WDR19: variants seen among roughly 807,000 people sequenced by gnomAD.
WDR19 encodes WD repeat-containing protein 19.
Under a neutral mutation model 180.0 loss-of-function variants are expected in WDR19, and 121 were observed. The observed-to-expected ratio is 0.67, with a 90% CI of 0.58 to 0.78. The LOEUF (loss-of-function observed/expected upper bound fraction) is 0.78. Ranked by LOEUF, WDR19 falls within the 30% of genes least tolerant of loss-of-function variation. The probability of loss-of-function intolerance (pLI) is 0.00; values close to 1 mark genes in which losing one functional copy is unlikely to be tolerated. For synonymous variants in WDR19, 497 were observed against 540.7 expected, an observed-to-expected ratio of 0.92 and a Z score of 1.12; for missense variants, 1,450 against 1,640.7, an observed-to-expected ratio of 0.88 and a Z score of 2.01.
intron 36 of WDR19, among the ~76,000 whole-genome samples, chr4:39,280,200 A>C (rs1736363498): frequency 7.9e-6 from 1 of 126,570 alleles, no homozygotes; most frequent in Admixed American, 9.4e-5. Context: ...AGGCTCAAAC[A>C]ATCCTCCTAC....
Position 39,205,667 on chromosome 4 carries a change from A to G in WDR19, c.821A>G (p.His274Arg), listed in dbSNP as rs1417179940. Residue 274 changes from histidine (H) to arginine (R), a missense_variant, in exon 9 of 37, where the codon CAT (histidine) becomes CGT (arginine). Coordinates refer to ENST00000399820, the MANE Select transcript of WDR19 (RefSeq NM_025132.4). ...CAAGAGATATTTCAGGCTCGTAACC[A>G]TAAAGATAATCTAACCAGCATTGCA... Reference protein sequence around the residue: ...LGQEIFQARNHKDNLTSIAVS... With the variant: ...LGQEIFQARNRKDNLTSIAVS... 6 of 1,612,002 alleles carry G rather than the reference A, an allele frequency of 3.7e-6. No homozygotes were observed. The highest frequency in any genetic ancestry group is 3.4e-6 in the Non-Finnish European group (4 of 1,178,986).
Position 39,212,393 on chromosome 4 carries a change from A to G in WDR19, c.891-2208A>G, listed in dbSNP as rs1728638469. 2.6e-5 allele frequency among the ~76,000 whole-genome samples: 4 copies of G among 152,240 alleles called. No individual in the cohort carries two copies. The South Asian group carries it at 8.3e-4, about 32-fold the overall frequency. On this transcript the variant is annotated intron_variant, in intron 9 of 36. Transcript: ENST00000399820. ...ATCTTTTGGATCTAGGGTTAGGCAA[A>G]GAATTCTTAGACTTGAAACCAAAAG...
At chr4:39,281,175 T>C (rs1169212697) in intron 36 of WDR19, among the ~76,000 whole-genome samples, 1 of 147,598 alleles carries the variant, frequency 6.8e-6, no homozygotes, top group Non-Finnish European at 1.5e-5. Flanking sequence ...TTAAATTTTT[T>C]GGTTATTGCC....
chr4:39,190,408 A>G (rs554601472), intron 4 of WDR19, among the ~76,000 whole-genome samples: 2 of 152,332 alleles, frequency 1.3e-5, no homozygotes, highest in South Asian at 4.1e-4. Flanking sequence ...TAAAAGAGAA[A>G]CCAGTTTCCA....
Position 39,274,816 on chromosome 4 carries a change from C to T in WDR19, c.3574C>T (p.Pro1192Ser), listed in dbSNP as rs1186507770. ...CCCCTTTTCTCTTGCAGACATTGTA[C>T]CCATCCTGACGTCAACTGTGATTGA... ...NISKFPSHIV[P>S]ILTSTVIECH... Residue 1192 changes from proline (P) to serine (S), a missense_variant, in exon 33 of 37, where the codon CCC (proline) becomes TCC (serine). Physicochemically the swap from Pro to Ser is moderately conservative, Grantham distance 74. Coordinates refer to ENST00000399820, the MANE Select transcript of WDR19 (RefSeq NM_025132.4). The T allele has an allele frequency of 6.2e-7, 1 of 1,613,378 alleles. No individual in the cohort carries two copies. Among genetic ancestry groups the T allele is most frequent in the Non-Finnish European group, 8.5e-7 (1 of 1,179,428 alleles).
In WDR19 at chr4:39,216,141, G is replaced by T; in HGVS notation, c.1180G>T (p.Ala394Ser). 6.3e-7 allele frequency: 1 copy of T among 1,594,702 alleles called. No homozygotes were observed. Among genetic ancestry groups the T allele is most frequent in the Non-Finnish European group, 8.5e-7 (1 of 1,170,178 alleles). The change falls in exon 12 of 37, where the codon GCA (alanine) becomes TCA (serine). Residue 394 changes from alanine (A) to serine (S), a missense_variant. Coordinates refer to ENST00000399820, the MANE Select transcript of WDR19 (RefSeq NM_025132.4). ...VSVDVEPNFVAVGLYHLAVGM... is the reference protein window; with the variant it reads ...VSVDVEPNFVSVGLYHLAVGM... ...TGTTGATGTGGAACCCAACTTTGTG[G>T]CAGTAGGTCTTTATCATCTGGCTGT... is the stretch of plus-strand genomic sequence containing the variant.
At chr4:39,249,020 G>A (rs1215042176) in intron 24 of WDR19, among the ~76,000 whole-genome samples, 2 of 152,158 alleles carry the variant, frequency 1.3e-5, no homozygotes, top group Admixed American at 6.6e-5. Context: ...GACATCTACA[G>A]AACTCTCCAC....
intron 36 of WDR19, among the ~76,000 whole-genome samples, chr4:39,283,302 T>C (rs545202118): frequency 2.0e-5 from 3 of 152,336 alleles, no homozygotes; most frequent in African/African-American, 7.2e-5. Flanking sequence ...GATCATGATG[T>C]ATTATCCTAT....
At chr4:39,254,734 T>C (rs141365977) in intron 26 of WDR19, among the ~76,000 whole-genome samples, 29 of 152,318 alleles carry the variant, frequency 1.9e-4, no homozygotes, top group African/African-American at 6.3e-4. Context: ...TCTAGAACTT[T>C]TTCATCATCC....
chr4:39,233,985 C>G (rs1306636372), intron 19 of WDR19, among the ~76,000 whole-genome samples: 3 of 152,172 alleles, frequency 2.0e-5, no homozygotes, highest in African/African-American at 7.2e-5. Context: ...CAGAGCCCTA[C>G]TGCCCAGCTC....
intron 36 of WDR19, among the ~76,000 whole-genome samples, chr4:39,281,806 G>C (rs189092601): frequency 8.5e-5 from 13 of 152,260 alleles, no homozygotes; most frequent in African/African-American, 3.1e-4. Context: ...GTGTTGACTG[G>C]AGCTGAAATC....
At chr4:39,242,097 C>T (rs1233143256) in intron 21 of WDR19, among the ~76,000 whole-genome samples, 1 of 151,784 alleles carries the variant, frequency 6.6e-6, no homozygotes. Context: ...GACAGGGTCT[C>T]ATTCTGTTGC....
intron 20 of WDR19, chr4:39,237,668 T>A (rs1731515311): frequency 6.6e-6 from 1 of 152,202 alleles, no homozygotes. Flanking sequence ...TCTTAACCAA[T>A]CTTGATTTCA....
Position 39,257,492 on chromosome 4 carries a change from A to C in WDR19, c.3121A>C (p.Lys1041Gln), listed in dbSNP as rs1269806951. The change falls in exon 28 of 37, where the codon AAA becomes CAA. Residue 1041 changes from lysine to glutamine, a missense_variant. By Grantham distance (53) the Lys-to-Gln change is moderately conservative. Coordinates refer to ENST00000399820, the MANE Select transcript of WDR19 (RefSeq NM_025132.4). ...GCTGTAATTCGCTTTTCAGGCACTT[A>C]AACACTTCCTGAAATGCCCAAGCTC... ...LLCGQYSRAL[K>Q]HFLKCPSSED... 3 of 1,581,568 alleles carry C rather than the reference A, an allele frequency of 1.9e-6. No individual in the cohort carries two copies. The Admixed American group carries it at 5.4e-5, about 28-fold the overall frequency.
rs113962944 is a variant in WDR19 at position 39,256,932 on chromosome 4, T to TA, written c.3115-545dup. On this transcript the variant is annotated intron_variant, in intron 27 of 36. Coordinates refer to ENST00000399820, the MANE Select transcript of WDR19 (RefSeq NM_025132.4). ...ATCTTTTCTTCCTCAGAGCACCTATTAAAAAAAAACACTAACAATCCAGTC... is the reference window on the plus strand; with the variant it reads ...ATCTTTTCTTCCTCAGAGCACCTATTAAAAAAAAAACACTAACAATCCAGTC... Among the ~76,000 whole-genome samples, 1,397 of 151,360 alleles carry TA rather than the reference T, an allele frequency of 9.2e-3. 21 individuals carry two copies. The highest frequency in any genetic ancestry group is 0.032 in the African/African-American group (1,307 of 41,256).
intron 35 of WDR19, 59 bp from the exon 36 acceptor site, chr4:39,278,480 C>A: frequency 7.2e-7 from 1 of 1,391,186 alleles, no homozygotes; most frequent in Non-Finnish European, 1.0e-6. Flanking sequence ...ATTAGAGTAA[C>A]CCAAAGCTAA....
chr4:39,223,150 CT>C (rs1302789408), intron 14 of WDR19, among the ~76,000 whole-genome samples: 1 of 152,018 alleles, frequency 6.6e-6, no homozygotes, highest in Non-Finnish European at 1.5e-5. Context: ...AGTGGAGTTT[CT>C]TTTTGAGGTT....
At chr4:39,277,318 A>G (rs1453660625) in intron 34 of WDR19, among the ~76,000 whole-genome samples, 175 bp downstream of exon 34, 1 of 152,208 alleles carries the variant, frequency 6.6e-6, no homozygotes, top group Non-Finnish European at 1.5e-5. Flanking sequence ...ATTCAAAGCA[A>G]ATAATAATAG....
At chr4:39,198,532 G>C (rs565765946) in intron 5 of WDR19, among the ~76,000 whole-genome samples, 2 of 151,454 alleles carry the variant, frequency 1.3e-5, no homozygotes, top group East Asian at 4.0e-4. Flanking sequence ...CTGCACTCCA[G>C]CCTGGGCGAC....
Sources: allele counts gnomAD v4.1 joint callset (sites outside exome capture counted in the v4.1 genomes callset), GRCh38; gene constraint gnomAD v4.1.1; transcripts MANE v1.5; gene names NCBI Gene and HGNC (gene_info 2026-07-23, HGNC 2026-07-21).